WDR64: variants seen among roughly 807,000 people sequenced by gnomAD.
WDR64 encodes the protein WD repeat domain 64, also known as WD repeat-containing protein 64.
A neutral mutation model predicts 139.3 loss-of-function variants in WDR64; 112 were observed. That is an observed-to-expected ratio of 0.80 (90% confidence interval 0.69 to 0.94). The LOEUF (loss-of-function observed/expected upper bound fraction) is 0.94, where lower values mean the gene tolerates loss of function less well. WDR64 is among the 40% of genes least tolerant of loss of function. WDR64 has a pLI of 0.00. For missense variants in WDR64, 1,206 were observed against 1,293.1 expected (o/e 0.93, Z 1.03); for synonymous variants, 444 against 437.7 (o/e 1.01, Z -0.18).
intron 9 of WDR64, among the ~76,000 whole-genome samples, chr1:241,713,090 T>C (rs1668236820): frequency 6.6e-6 from 1 of 151,778 alleles, no homozygotes; most frequent in Non-Finnish European, 1.5e-5. Flanking sequence ...GAGGATCGCT[T>C]GAGCCCAGGA....
chr1:241,657,766 G>A (rs192858942), intron 1 of WDR64, among the ~76,000 whole-genome samples: 20 of 151,972 alleles, frequency 1.3e-4, no homozygotes, highest in South Asian at 1.0e-3. Context: ...TTTTAACTTC[G>A]TTACTGAGCT....
At chr1:241,678,040 CAGA>C (rs1666627000) in intron 4 of WDR64, 144 bp from the exon 5 acceptor site, 1 of 395,572 alleles carries the variant, frequency 2.5e-6, no homozygotes. Context: ...CTAGATGTTT[CAGA>C]AGGAGAAACA....
chr1:241,744,437 A>T lies in WDR64; in HGVS notation c.1515A>T (p.Glu505Asp), dbSNP rs1190304084. 4.3e-6 allele frequency: 7 copies of T among 1,614,008 alleles called. No individual in the cohort carries two copies. Among genetic ancestry groups the T allele is most frequent in the Non-Finnish European group, 5.1e-6 (6 of 1,179,970 alleles). Residue 505 changes from glutamate to aspartate, a missense_variant, in exon 13 of 28, where the codon GAA (glutamate) becomes GAT (aspartate). Transcript: ENST00000437684. ...GGCTCCAAGTATACCAGATTTTAGA[A>T]CCTCATGGTTTCAATACTGAAGTGA... ...ETGLQVYQILEPHGFNTEVTS... is the reference protein window; with the variant it reads ...ETGLQVYQILDPHGFNTEVTS...
intron 27 of WDR64, 113 bp downstream of exon 27, chr1:241,796,483 C>A: frequency 7.0e-6 from 5 of 717,030 alleles, no homozygotes; most frequent in Non-Finnish European, 8.6e-6. Flanking sequence ...AAAATCATTT[C>A]AGTTCATACT....
intron 1 of WDR64, among the ~76,000 whole-genome samples, chr1:241,660,111 C>T (rs1665765889): frequency 6.6e-6 from 1 of 152,180 alleles, no homozygotes; most frequent in African/African-American, 2.4e-5. Flanking sequence ...GGTCCAGTTT[C>T]AATTTCCTAC....
At position 241,711,824 on chromosome 1, in the gene WDR64, C is replaced by A; in HGVS notation, c.997C>A (p.Pro333Thr). ...DNLPVREFSM[P>T]RGANTFCYCV... Reference sequence around the variant, plus strand: ...CAGGCCTGTCAGAGAGTTTTCCATGCCAAGAGGAGCCAACACTTTTTGCTA... The same window carrying A: ...CAGGCCTGTCAGAGAGTTTTCCATGACAAGAGGAGCCAACACTTTTTGCTA... Residue 333 changes from proline to threonine, a missense_variant, in exon 9 of 28, where the codon CCA (proline) becomes ACA (threonine). By Grantham distance (38) the Pro-to-Thr change is conservative. Transcript: ENST00000437684. The A allele has an allele frequency of 6.2e-7, 1 of 1,614,132 alleles. No individual in the cohort carries two copies. The highest frequency in any genetic ancestry group is 8.5e-7 in the Non-Finnish European group (1 of 1,180,020).
At chr1:241,799,306 AGTGGACGTTGCAGTGAGCC>A (rs1659459698) in intron 27 of WDR64, among the ~76,000 whole-genome samples, 1 of 150,678 alleles carries the variant, frequency 6.6e-6, no homozygotes, top group African/African-American at 2.4e-5. Flanking sequence ...GAGCCTGGAA[AGTGGACGTTGCAGTGAGCC>A]AAGATCGTGC....
intron 8 of WDR64, among the ~76,000 whole-genome samples, chr1:241,704,825 G>GTA (rs528270912): frequency 1.3e-3 from 203 of 152,274 alleles, no homozygotes; most frequent in Non-Finnish European, 2.1e-3. Flanking sequence ...CTAAAGAGAG[G>GTA]TATAGTAGAC....
intron 7 of WDR64, 75 bp downstream of exon 7, chr1:241,683,776 T>G: frequency 8.4e-7 from 1 of 1,184,220 alleles, no homozygotes; most frequent in Non-Finnish European, 1.1e-6. Context: ...TGGTACAAAG[T>G]GAAAAATGAG....
chr1:241,673,586 AAG>A (rs1666327939), intron 3 of WDR64, among the ~76,000 whole-genome samples: 1 of 152,210 alleles, frequency 6.6e-6, no homozygotes, highest in Non-Finnish European at 1.5e-5. Flanking sequence ...TCTGCACAAA[AAG>A]AGTAAAATGG....
intron 22 of WDR64, among the ~76,000 whole-genome samples, chr1:241,781,676 T>C (rs1260830875): frequency 6.6e-6 from 1 of 152,252 alleles, no homozygotes; most frequent in African/African-American, 2.4e-5. Context: ...ACAATCTTAG[T>C]TTCTAATTGC....
At chr1:241,723,766 T>G (rs770674206) in intron 10 of WDR64, among the ~76,000 whole-genome samples, 16 of 141,888 alleles carry the variant, frequency 1.1e-4, no homozygotes, top group Non-Finnish European at 1.8e-4. Context: ...TAAACAGTGT[T>G]TGAAACATTC....
intron 22 of WDR64, 21 bp from the exon 23 acceptor site, chr1:241,783,251 T>C (rs773941787): frequency 1.9e-6 from 3 of 1,593,532 alleles, no homozygotes; most frequent in Admixed American, 1.7e-5. Context: ...CCGAGGAATA[T>C]GCCTTGTTTT....
In WDR64 at chr1:241,766,281, T is replaced by C. The variant is rs751398429; in HGVS notation, c.2011T>C (p.Leu671=). 11 of 1,614,036 alleles carry C rather than the reference T, an allele frequency of 6.8e-6. No homozygotes were observed. In the South Asian group the frequency reaches 9.9e-5, roughly 14 times the overall value. Residue 671 remains leucine (L), a synonymous_variant, in exon 16 of 28, where the codon TTG becomes CTG. Transcript: ENST00000437684. ...IDLLQVEGYN[L]IAAGTLNGVI... ...TTTACTACAAGTAGAAGGATATAAT[T>C]TGATAGCAGCTGGAACCTTAAATGG...
At chr1:241,743,646 C>T (rs1669639460) in intron 12 of WDR64, among the ~76,000 whole-genome samples, 1 of 152,190 alleles carries the variant, frequency 6.6e-6, no homozygotes, top group South Asian at 2.1e-4. Context: ...AGTGCTGTCA[C>T]TAACTGGCAG....
intron 3 of WDR64, among the ~76,000 whole-genome samples, chr1:241,672,728 T>TGG (rs1666281446): frequency 6.6e-6 from 1 of 152,060 alleles, no homozygotes; most frequent in Admixed American, 6.5e-5. Context: ...GGTTTGAGGA[T>TGG]GGGAGCATGG....
chr1:241,738,252 T>TTGGTATTACTTGGTATAAAAC, intron 10 of WDR64, 111 bp from the exon 11 acceptor site: 1 of 1,307,026 alleles, frequency 7.7e-7, no homozygotes, highest in Middle Eastern at 2.6e-4. Context: ...TAAGTAATAC[T>TTGGTATTACTTGGTATAAAAC]TTGGTATAAG....
chr1:241,769,614 A>C, intron 17 of WDR64, 109 bp downstream of exon 17: 1 of 941,720 alleles, frequency 1.1e-6, no homozygotes, highest in Admixed American at 2.3e-5. Flanking sequence ...TAATAGAAAG[A>C]GTTTACTTCA....
chr1:241,731,800 A>G (rs1669091718), intron 10 of WDR64, among the ~76,000 whole-genome samples: 3 of 152,210 alleles, frequency 2.0e-5, no homozygotes, highest in African/African-American at 7.2e-5. Context: ...CAAGATGATA[A>G]AATTAATAGG....
Sources: allele counts gnomAD v4.1 joint callset (sites outside exome capture counted in the v4.1 genomes callset), GRCh38; gene constraint gnomAD v4.1.1; transcripts MANE v1.5; gene names NCBI Gene and HGNC (gene_info 2026-07-23, HGNC 2026-07-21).